The following SH3TC1 variants were observed in gnomAD, a reference collection of about 807,000 sequenced individuals.
SH3TC1 encodes the protein SH3 domain and tetratricopeptide repeat-containing protein 1.
A neutral mutation model predicts 117.3 loss-of-function variants in SH3TC1; 135 were observed. The observed-to-expected ratio is 1.15, with a 90% CI of 1.00 to 1.33. SH3TC1 has a LOEUF of 1.33. Among genes scored for constraint, SH3TC1 ranks in the 40% most tolerant of loss-of-function variants. The probability of loss-of-function intolerance (pLI) is 0.00; values close to 1 mark genes in which losing one functional copy is unlikely to be tolerated. For synonymous variants in SH3TC1, 898 were observed against 816.9 expected, an observed-to-expected ratio of 1.10 and a Z score of -1.69; for missense variants, 2,092 against 1,794.3, an observed-to-expected ratio of 1.17 and a Z score of -3.00.
chr4:8,207,892 G>A (rs1450271679), intron 2 of SH3TC1, among the ~76,000 whole-genome samples: 2 of 152,172 alleles, frequency 1.3e-5, no homozygotes, highest in African/African-American at 2.4e-5. Context: ...CTGTTGGGCC[G>A]GAACTCTATC....
At position 8,227,259 on chromosome 4, in the gene SH3TC1, C is replaced by T. The variant is rs201007735; in HGVS notation, c.1565C>T (p.Ala522Val). Residue 522 changes from alanine to valine, a missense_variant, in exon 12 of 18, where the codon GCG (alanine) becomes GTG (valine). Transcript: ENST00000245105. The part of the protein sequence containing the change: ...KASFRGLYDV[A>V]LPWLSSVFRS... ...AGCTTCCGTGGCCTGTACGATGTGG[C>T]GCTGCCGTGGCTGAGCAGCGTGTTC... 359 of 1,598,286 alleles carry T rather than the reference C, an allele frequency of 2.2e-4. 3 individuals carry two copies. In the South Asian group the frequency reaches 3.0e-3, roughly 13 times the overall value.
rs1050089111 is a variant in SH3TC1 at position 8,205,065 on chromosome 4, C to G, written c.-28-102C>G. 1 of 956,858 alleles carries G rather than the reference C, an allele frequency of 1.0e-6. No homozygotes were observed. The highest frequency in any genetic ancestry group is 1.7e-5 in the African/African-American group (1 of 60,056). The allele number at this position is 956,858 out of a possible 1,614,324, so 59.3% of individuals were successfully genotyped here. A position where few individuals can be genotyped will look rare whatever the true frequency, so the allele number is the denominator to read the frequency against. On this transcript the variant is annotated intron_variant, in intron 1 of 17. Transcript: ENST00000245105. The surrounding 1 kb of genome is among the most constrained non-coding windows in gnomAD (Gnocchi z 5.4). ...GCTGGATCTGAAAGGTGCAGGCGCT[C>G]AGCAACGCTGGTGTTCTCTTTCTGG...
intron 1 of SH3TC1, among the ~76,000 whole-genome samples, chr4:8,184,315 G>A (rs919149570): frequency 2.6e-5 from 4 of 152,216 alleles, no homozygotes; most frequent in African/African-American, 9.7e-5. Context: ...TGACTTAACA[G>A]TTCTGTTCCA....
At chr4:8,237,398 C>G (rs1178212852) in intron 16 of SH3TC1, 76 bp from the exon 17 acceptor site, 2 of 1,285,978 alleles carry the variant, frequency 1.6e-6, no homozygotes, top group East Asian at 2.8e-5. Flanking sequence ...TGGAGGCGAG[C>G]CAGGTGCTGC....
At chr4:8,198,565 A>G (rs373172152), upstream of SH3TC1, among the ~76,000 whole-genome samples, 8 of 152,346 alleles carry the variant, frequency 5.3e-5, no homozygotes, top group Non-Finnish European at 7.3e-5. Flanking sequence ...CTCAGCAGGC[A>G]GGGGCGAGAT....
upstream of SH3TC1, among the ~76,000 whole-genome samples, chr4:8,198,839 G>A (rs1717649167): frequency 6.6e-6 from 1 of 152,380 alleles, no homozygotes; most frequent in Middle Eastern, 3.4e-3. Context: ...CTGTCCATGT[G>A]TGCACACACT....
upstream of SH3TC1, among the ~76,000 whole-genome samples, chr4:8,196,441 C>A (rs1011474771): frequency 1.3e-5 from 2 of 151,958 alleles, no homozygotes; most frequent in Non-Finnish European, 2.9e-5. The surrounding 1 kb of genome is among the most constrained non-coding windows in gnomAD (Gnocchi z 4.6). Flanking sequence ...CTGTGGGCAT[C>A]CACAGGTCCT....
At position 8,227,657 on chromosome 4, in the gene SH3TC1, G is replaced by T; in HGVS notation, c.1963G>T (p.Ala655Ser). Reference protein sequence around the residue: ...GELLQLALRRAVGGQSLQAEA... With the variant: ...GELLQLALRRSVGGQSLQAEA... ...GCTCCTGCAGCTGGCGCTGCGGCGG[G>T]CGGTGGGTGGCCAGAGCCTGCAGGC... is the stretch of plus-strand genomic sequence containing the variant. Residue 655 changes from alanine (A) to serine (S), a missense_variant, in exon 12 of 18, where the codon GCG becomes TCG. By Grantham distance (99) the Ala-to-Ser change is moderately conservative. Transcript: ENST00000245105. 2.0e-6 allele frequency: 3 copies of T among 1,528,428 alleles called. No homozygotes were observed. Among genetic ancestry groups the T allele is most frequent in the Non-Finnish European group, 2.6e-6 (3 of 1,139,618 alleles). 94.7% of individuals were successfully genotyped at this position (1,528,428 alleles called of 1,614,324 possible). A position where few individuals can be genotyped will look rare whatever the true frequency, so the allele number is the denominator to read the frequency against.
At chr4:8,233,802 C>T (rs916823165) in intron 14 of SH3TC1, among the ~76,000 whole-genome samples, 1 of 148,096 alleles carries the variant, frequency 6.8e-6, no homozygotes, top group Non-Finnish European at 1.5e-5. Context: ...CCTGTTCGTC[C>T]TTCCATCCAT....
intron 17 of SH3TC1, among the ~76,000 whole-genome samples, chr4:8,239,229 T>G (rs766924014): frequency 2.0e-5 from 3 of 146,526 alleles, no homozygotes; most frequent in Non-Finnish European, 4.5e-5. Flanking sequence ...CAAATGCACA[T>G]GCACGCTGCA....
chr4:8,198,627 C>G (rs544436349), upstream of SH3TC1, among the ~76,000 whole-genome samples: 38 of 152,352 alleles, frequency 2.5e-4, no homozygotes, highest in Non-Finnish European at 4.4e-4. Flanking sequence ...TGCTCTCAAA[C>G]CTGGCTCAGG....
intron 10 of SH3TC1, among the ~76,000 whole-genome samples, chr4:8,223,671 T>C (rs1390986786): frequency 6.6e-6 from 1 of 151,492 alleles, no homozygotes; most frequent in Non-Finnish European, 1.5e-5. Context: ...CCTGTGCTGT[T>C]GCCCAGGCTG....
At chr4:8,202,825 G>T (rs538051971) in intron 1 of SH3TC1, among the ~76,000 whole-genome samples, 1 of 152,242 alleles carries the variant, frequency 6.6e-6, no homozygotes, top group Non-Finnish European at 1.5e-5. Context: ...TCACTATTCT[G>T]TCGAAATTCC....
intron 1 of SH3TC1, among the ~76,000 whole-genome samples, chr4:8,201,165 G>A (rs1717806408): frequency 6.6e-6 from 1 of 152,200 alleles, no homozygotes; most frequent in Admixed American, 6.5e-5. Context: ...CTTGGCCAAA[G>A]CTTCCCAAAC....
rs772277318 is a variant in SH3TC1 at position 8,218,285 on chromosome 4, T to A, written c.854T>A (p.Ile285Asn). Residue 285 changes from isoleucine to asparagine, a missense_variant, in exon 8 of 18, where the codon ATC (isoleucine) becomes AAC (asparagine). Physicochemically the swap from Ile to Asn is moderately radical, Grantham distance 149. Transcript: ENST00000245105. ...LIPFHQWALR[I>N]PQDPIDDAMG... ...TCCGGCTCCAGGTGGGCTCTTAGGATCCCCCAGGACCCCATCGACGATGCC... is the reference window on the plus strand; with the variant it reads ...TCCGGCTCCAGGTGGGCTCTTAGGAACCCCCAGGACCCCATCGACGATGCC... 61 of 1,609,760 alleles carry A rather than the reference T, an allele frequency of 3.8e-5. No individual in the cohort carries two copies. Among genetic ancestry groups the A allele is most frequent in the Non-Finnish European group, 4.8e-5 (56 of 1,176,982 alleles).
chr4:8,227,855 T>G lies in SH3TC1; in HGVS notation c.2161T>G (p.Cys721Gly). ...LLLADIYSRK[C>G]LPHLVLSCVK... ...CCTGGCTGACATCTACAGCCGCAAGTGCCTGCCCCACCTGGTGCTGAGCTG... is the reference window on the plus strand; with the variant it reads ...CCTGGCTGACATCTACAGCCGCAAGGGCCTGCCCCACCTGGTGCTGAGCTG... The change falls in exon 12 of 18, where the codon TGC (cysteine) becomes GGC (glycine). Residue 721 changes from cysteine to glycine, a missense_variant. Transcript: ENST00000245105. 1.9e-6 allele frequency: 3 copies of G among 1,612,818 alleles called. No homozygotes were observed. Among genetic ancestry groups the G allele is most frequent in the Non-Finnish European group, 2.5e-6 (3 of 1,179,974 alleles).
chr4:8,194,497 G>A (rs1194266449), upstream of SH3TC1, among the ~76,000 whole-genome samples: 5 of 152,158 alleles, frequency 3.3e-5, no homozygotes, highest in Admixed American at 6.5e-5. Context: ...AGCTTGTTCC[G>A]CCCTCAGGGA....
intron 1 of SH3TC1, among the ~76,000 whole-genome samples, chr4:8,187,792 C>T (rs1270128799): frequency 1.3e-5 from 2 of 152,132 alleles, no homozygotes; most frequent in African/African-American, 4.8e-5. Flanking sequence ...CCTTGTGATC[C>T]ACTTGTCTCC....
upstream of SH3TC1, among the ~76,000 whole-genome samples, chr4:8,197,761 G>A (rs957501851): frequency 2.6e-5 from 4 of 152,322 alleles, no homozygotes; most frequent in Non-Finnish European, 5.9e-5. Flanking sequence ...CTGCACCCCC[G>A]ATCCCGGGCC....
Sources: allele counts gnomAD v4.1 joint callset (sites outside exome capture counted in the v4.1 genomes callset), GRCh38; gene constraint gnomAD v4.1.1; non-coding constraint Gnocchi (gnomAD v3.1); transcripts MANE v1.5; gene names NCBI Gene and HGNC (gene_info 2026-07-23, HGNC 2026-07-21).